Variants in NOTCH2NLB observed in about 807,000 individuals in gnomAD.
NOTCH2NLB encodes notch 2 N-terminal like B, also known as notch homolog 2 N-terminal-like protein B.
Under a neutral mutation model 14.8 loss-of-function variants are expected in NOTCH2NLB, and 1 was observed. That is an observed-to-expected ratio of 0.07 (90% CI 0.02 to 0.32). The LOEUF (loss-of-function observed/expected upper bound fraction) is 0.32, where lower values mean the gene tolerates loss of function less well. Among genes scored for constraint, NOTCH2NLB ranks in the 10% least tolerant of loss-of-function variants. NOTCH2NLB has a pLI of 1.00. For synonymous variants in NOTCH2NLB, 6 were observed against 57.5 expected, an observed-to-expected ratio of 0.10 and a Z score of 4.05; for missense variants, 11 against 155.0, an observed-to-expected ratio of 0.07 and a Z score of 4.93.
At chr1:148,609,007 A>T (rs1441118066) in intron 3 of NOTCH2NLB, among the ~76,000 whole-genome samples, 1 of 99,726 alleles carries the variant, frequency 1.0e-5, no homozygotes, top group Non-Finnish European at 2.0e-5. Flanking sequence ...AGAACTAGTA[A>T]ATTTGGTATT....
At chr1:148,651,162 A>AAATATATATATATATAT (rs1553341433) in intron 1 of NOTCH2NLB, among the ~76,000 whole-genome samples, 1 of 46,042 alleles carries the variant, frequency 2.2e-5, no homozygotes, top group African/African-American at 7.7e-5. Context: ...AAAAAAAAAA[A>AAATATATATATATATAT]ATATATATAT....
At chr1:148,625,399 C>T (rs1663959304) in intron 2 of NOTCH2NLB, among the ~76,000 whole-genome samples, 1 of 83,876 alleles carries the variant, frequency 1.2e-5, no homozygotes, top group Non-Finnish European at 2.2e-5. Context: ...ACAACAATAA[C>T]AACAAAGCAA....
At chr1:148,622,246 TG>T (rs1663896779) in intron 2 of NOTCH2NLB, among the ~76,000 whole-genome samples, 1 of 101,382 alleles carries the variant, frequency 9.9e-6, no homozygotes, top group Non-Finnish European at 1.9e-5. Context: ...GGCGGGCGCC[TG>T]TAGTCCCAGC....
At chr1:148,684,981 A>G in the NOTCH2NLB span, among the ~76,000 whole-genome samples, 4 of 130,736 alleles carry the variant, frequency 3.1e-5, no homozygotes, top group Non-Finnish European at 6.7e-5. Context: ...TGCTTGAGAT[A>G]AGCAGGAAAA....
intron 1 of NOTCH2NLB, among the ~76,000 whole-genome samples, chr1:148,677,027 C>A (rs1664867219): frequency 2.2e-5 from 1 of 44,974 alleles, no homozygotes; most frequent in African/African-American, 6.7e-5. Context: ...TTTGTTTAAG[C>A]AAGAGAAGAA....
At chr1:148,679,861 G>A, upstream of NOTCH2NLB, 1 of 181,204 alleles carries the variant, frequency 5.5e-6, no homozygotes, top group Non-Finnish European at 1.0e-5. Flanking sequence ...GCCGCCTTGG[G>A]CACCCAGGGG....
At chr1:148,670,553 C>CATATATATATAT (rs1311446628) in intron 1 of NOTCH2NLB, among the ~76,000 whole-genome samples, 43 of 104,222 alleles carry the variant, frequency 4.1e-4, no homozygotes, top group African/African-American at 1.4e-3. Flanking sequence ...TATATATATA[C>CATATATATATAT]ATATATATAT....
the NOTCH2NLB span, among the ~76,000 whole-genome samples, chr1:148,685,083 T>C: frequency 1.7e-4 from 10 of 58,860 alleles, no homozygotes; most frequent in African/African-American, 5.6e-4. Flanking sequence ...CCTAAGTAGG[T>C]GTGTACTTTT....
intron 1 of NOTCH2NLB, among the ~76,000 whole-genome samples, chr1:148,661,457 C>T (rs1483202542): frequency 1.3e-5 from 2 of 148,566 alleles, no homozygotes; most frequent in East Asian, 3.9e-4. Context: ...CATAAATATT[C>T]CTTTAATGCA....
At chr1:148,661,304 A>C (rs1461166545) in intron 1 of NOTCH2NLB, among the ~76,000 whole-genome samples, 1 of 149,606 alleles carries the variant, frequency 6.7e-6, no homozygotes, top group Non-Finnish European at 1.5e-5. Context: ...TTATAAAAAA[A>C]GTTTTGAAAA....
intron 2 of NOTCH2NLB, among the ~76,000 whole-genome samples, chr1:148,638,878 G>C (rs1357875622): frequency 1.4e-5 from 2 of 144,802 alleles, no homozygotes; most frequent in Non-Finnish European, 3.0e-5. Context: ...CTCCACCAAA[G>C]CAAAGAAGAA....
chr1:148,675,033 A>G (rs1429935658), intron 1 of NOTCH2NLB, among the ~76,000 whole-genome samples: 1 of 90,676 alleles, frequency 1.1e-5, no homozygotes, highest in Non-Finnish European at 2.5e-5. Context: ...AGTCCCCAAA[A>G]TGATGAAATT....
rs1466459869 is a variant in NOTCH2NLB at position 148,622,271 on chromosome 1, G to A, written c.78-6321C>T. ...TGTAGTCCCAGCTACTCAGGAGGCT[G>A]AGGCAGGAGAATGGCATGAACCCAG... On this transcript the variant is annotated intron_variant, in intron 2 of 4. Coordinates refer to ENST00000593495, the Ensembl canonical transcript of NOTCH2NLB. Among the ~76,000 whole-genome samples, 137 of 106,398 alleles carry A rather than the reference G, an allele frequency of 1.3e-3. 18 individuals are homozygous for A. Among genetic ancestry groups the A allele is most frequent in the African/African-American group, 5.7e-3 (126 of 22,170 alleles). 69.8% of individuals were successfully genotyped at this position (106,398 alleles called of 152,430 possible).
chr1:148,674,878 T>C (rs1221612072), intron 1 of NOTCH2NLB, among the ~76,000 whole-genome samples: 2 of 144,972 alleles, frequency 1.4e-5, no homozygotes, highest in Non-Finnish European at 3.0e-5. Flanking sequence ...AAAAAGCAAA[T>C]ATACTTTACT....
At chr1:148,645,678 T>C (rs1571107442) in intron 1 of NOTCH2NLB, among the ~76,000 whole-genome samples, 2 of 149,094 alleles carry the variant, frequency 1.3e-5, no homozygotes, top group East Asian at 3.9e-4. Context: ...ACTATCTAAA[T>C]TCTACCCATT....
chr1:148,607,939 G>C (rs1462979500), intron 3 of NOTCH2NLB, among the ~76,000 whole-genome samples, 194 bp from the exon 4 acceptor site: 16 of 139,360 alleles, frequency 1.1e-4, no homozygotes, highest in Admixed American at 1.1e-3. Flanking sequence ...AAGGACCTCA[G>C]CAGAGACACA....
intron 1 of NOTCH2NLB, among the ~76,000 whole-genome samples, chr1:148,651,166 T>A (rs1379118702): frequency 0.012 from 557 of 45,290 alleles, no homozygotes; most frequent in African/African-American, 0.037. Flanking sequence ...AAAAAAAATA[T>A]ATATATATAT....
intron 2 of NOTCH2NLB, among the ~76,000 whole-genome samples, chr1:148,630,189 G>C (rs1373790295): frequency 8.3e-6 from 1 of 119,776 alleles, no homozygotes; most frequent in Non-Finnish European, 1.7e-5. Context: ...ATTCTGATTT[G>C]CCTCGCAAAA....
chr1:148,704,387 T>C, the NOTCH2NLB span, among the ~76,000 whole-genome samples: 1 of 32,966 alleles, frequency 3.0e-5, no homozygotes, highest in Admixed American at 3.1e-4. Flanking sequence ...AAGAGGTAAG[T>C]GCACTGTGAA....
Sources: allele counts gnomAD v4.1 joint callset (sites outside exome capture counted in the v4.1 genomes callset), GRCh38; gene constraint gnomAD v4.1.1; transcripts MANE v1.5; gene names NCBI Gene and HGNC (gene_info 2026-07-23, HGNC 2026-07-21).